TMPRSS11E: variants seen among roughly 807,000 people sequenced by gnomAD.
TMPRSS11E encodes the protein transmembrane protease serine 11E.
A neutral mutation model predicts 48.1 loss-of-function variants in TMPRSS11E; 38 were observed. That is an observed-to-expected ratio of 0.79 (90% CI 0.61 to 1.04). TMPRSS11E has a LOEUF of 1.04. Ranked by LOEUF, TMPRSS11E falls within the 50% of genes least tolerant of loss-of-function variation. TMPRSS11E has a pLI of 0.00. For synonymous variants in TMPRSS11E, 158 were observed against 171.9 expected (o/e 0.92, Z 0.63); for missense variants, 530 against 510.8 (o/e 1.04, Z -0.36).
At position 68,471,584 on chromosome 4, in the gene TMPRSS11E, G is replaced by A. The variant is rs1314475125; in HGVS notation, c.451G>A (p.Gly151Arg). The part of the protein sequence containing the change: ...VLHEKLQDAV[G>R]PPKVDPHSVK... ...ACATGAAAAGCTGCAAGATGCTGTA[G>A]GACCCCCTAAAGTAGATCCTCACTC... is the stretch of plus-strand genomic sequence containing the variant. Residue 151 changes from glycine to arginine, a missense_variant, in exon 5 of 10, where the codon GGA becomes AGA. Coordinates refer to ENST00000305363, the MANE Select transcript of TMPRSS11E (RefSeq NM_014058.4). 6 of 1,609,488 alleles carry A rather than the reference G, an allele frequency of 3.7e-6. No homozygotes were observed. Among genetic ancestry groups the A allele is most frequent in the Non-Finnish European group, 5.1e-6 (6 of 1,177,894 alleles).
chr4:68,481,892 C>T (rs1456228041), intron 9 of TMPRSS11E, among the ~76,000 whole-genome samples: 1 of 152,112 alleles, frequency 6.6e-6, no homozygotes, highest in African/African-American at 2.4e-5. Context: ...CGAGGCTGCA[C>T]TGCACCCACT....
In TMPRSS11E at chr4:68,462,031, A is replaced by G. The variant is rs147927119; in HGVS notation, c.136+86A>G. ...GTTTTGATTTGCCTCAGGCTTATTC[A>G]TTTATCACTACGATTCATTTGCATA... is the stretch of plus-strand genomic sequence containing the variant. On this transcript the variant is annotated intron_variant, in intron 2 of 9. Transcript: ENST00000305363. The G allele has an allele frequency of 6.1e-5, 93 of 1,525,454 alleles. 1 individual carries two copies. The Middle Eastern group carries it at 9.1e-4, about 15-fold the overall frequency. 94.5% of individuals were successfully genotyped at this position (1,525,454 alleles called of 1,614,324 possible). A position where few individuals can be genotyped will look rare whatever the true frequency, so the allele number is the denominator to read the frequency against.
intron 1 of TMPRSS11E, among the ~76,000 whole-genome samples, chr4:68,456,876 C>T (rs1198155801): frequency 2.0e-5 from 3 of 152,064 alleles, no homozygotes; most frequent in African/African-American, 7.2e-5. Flanking sequence ...GAAAGTGGAC[C>T]TCTTCCTTAC....
At chr4:68,484,723 T>C (rs2109711082) in intron 9 of TMPRSS11E, among the ~76,000 whole-genome samples, 1 of 152,334 alleles carries the variant, frequency 6.6e-6, no homozygotes, top group East Asian at 1.9e-4. Context: ...GTGAATGAGA[T>C]TGCACTCTTG....
intron 5 of TMPRSS11E, among the ~76,000 whole-genome samples, chr4:68,474,412 T>A (rs1729154156): frequency 6.6e-6 from 1 of 152,144 alleles, no homozygotes; most frequent in Non-Finnish European, 1.5e-5. Flanking sequence ...GCATCTTATT[T>A]ACTGGTATAA....
At chr4:68,476,476 A>G (rs1330690349) in intron 7 of TMPRSS11E, 38 bp downstream of exon 7, 1 of 1,557,656 alleles carries the variant, frequency 6.4e-7, no homozygotes, top group East Asian at 2.3e-5. Context: ...GGAGTGAACA[A>G]AGTGCACTGG....
At chr4:68,451,063 A>G (rs1359066864) in intron 1 of TMPRSS11E, among the ~76,000 whole-genome samples, 1 of 151,914 alleles carries the variant, frequency 6.6e-6, no homozygotes, top group Non-Finnish European at 1.5e-5. Context: ...GTGTTTCCGT[A>G]TTAGCACTGA....
chr4:68,480,335 C>T (rs1001976558), intron 9 of TMPRSS11E, among the ~76,000 whole-genome samples: 2 of 151,950 alleles, frequency 1.3e-5, no homozygotes, highest in African/African-American at 4.8e-5. Context: ...TCTAGTTTCT[C>T]TCTGTTTTTG....
At chr4:68,483,748 G>T (rs919985118) in intron 9 of TMPRSS11E, among the ~76,000 whole-genome samples, 1 of 152,140 alleles carries the variant, frequency 6.6e-6, no homozygotes, top group African/African-American at 2.4e-5. Context: ...TTTTCTTCTA[G>T]AGTTTTTATA....
At chr4:68,489,380 CTG>C (rs1244177382) in intron 9 of TMPRSS11E, among the ~76,000 whole-genome samples, 1 of 152,198 alleles carries the variant, frequency 6.6e-6, no homozygotes, top group Non-Finnish European at 1.5e-5. Flanking sequence ...GGCAACAAAA[CTG>C]TGCTGGCAAA....
In TMPRSS11E at chr4:68,486,663, G is replaced by C. The variant is rs1729563449; in HGVS notation, c.1110+7672G>C. Among the ~76,000 whole-genome samples the C allele has an allele frequency of 2.0e-5, 3 of 152,174 alleles. 1 individual carries two copies. The highest frequency in any genetic ancestry group is 2.0e-4 in the Admixed American group (3 of 15,272). On this transcript the variant is annotated intron_variant, in intron 9 of 9. Transcript: ENST00000305363. ...ATATCTCTTAGGTTCATTTGGTCAA[G>C]TGTTGAGTTTAGGTTCGGAATATCT...
At chr4:68,488,722 ATAGAGACGGGG>A (rs2109717325) in intron 9 of TMPRSS11E, among the ~76,000 whole-genome samples, 1 of 151,992 alleles carries the variant, frequency 6.6e-6, no homozygotes, top group Admixed American at 6.5e-5. Flanking sequence ...TGTATTTTTA[ATAGAGACGGGG>A]TTTCACCGTG....
chr4:68,472,787 G>A (rs1241568508), intron 5 of TMPRSS11E, among the ~76,000 whole-genome samples: 1 of 152,004 alleles, frequency 6.6e-6, no homozygotes, highest in Non-Finnish European at 1.5e-5. Context: ...CAAGAAAAAA[G>A]TGCTGTTAAA....
chr4:68,496,657 A>G lies in TMPRSS11E; in HGVS notation c.1125A>G (p.Gly375=). 1 of 1,612,212 alleles carries G rather than the reference A, an allele frequency of 6.2e-7. No individual in the cohort carries two copies. The highest frequency in any genetic ancestry group is 1.7e-4 in the Middle Eastern group (1 of 6,052). Residue 375 remains glycine (G), a synonymous_variant, in exon 10 of 10, where the codon GGA becomes GGG. Transcript: ENST00000305363. ...TTCTCCTTTAGGGTGACTCTGGAGG[A>G]CCACTGGTTAGTTCAGATGCTAGAG... is the stretch of plus-strand genomic sequence containing the variant. The part of the protein sequence containing the change: ...KTDACQGDSG[G]PLVSSDARDI...
chr4:68,447,586 A>G, intron 1 of TMPRSS11E, 63 bp downstream of exon 1: 1 of 1,363,792 alleles, frequency 7.3e-7, no homozygotes, highest in Non-Finnish European at 1.0e-6. Context: ...AAACAGTATG[A>G]GCCACACCAA....
chr4:68,494,609 C>T (rs1029798021), intron 9 of TMPRSS11E, among the ~76,000 whole-genome samples: 11 of 151,400 alleles, frequency 7.3e-5, no homozygotes, highest in African/African-American at 2.7e-4. Flanking sequence ...TCTCACTAAA[C>T]CATTCACTAA....
Position 68,471,461 on chromosome 4 carries a change from CA to C in TMPRSS11E, c.330del (p.Gln110HisfsTer12). The part of the protein sequence containing the change: ...FVKSQVIKFS[Q>X]QKHGVLAHML... ...ATTTTCTTCTTTTTTGGCCCACAGT[CA>C]ACAGAAGCATGGAGTGTTGGCTCAT... On this transcript the variant is annotated frameshift_variant and splice_region_variant, in exon 5 of 10. Transcript: ENST00000305363. LOFTEE classifies it high-confidence loss of function. The C allele has an allele frequency of 7.8e-7, 1 of 1,282,502 alleles. No homozygotes were observed. The highest frequency in any genetic ancestry group is 1.6e-5 in the African/African-American group (1 of 61,128). The allele number at this position is 1,282,502 out of a possible 1,614,324, so 79.4% of individuals were successfully genotyped here. A position where few individuals can be genotyped will look rare whatever the true frequency, so the allele number is the denominator to read the frequency against.
chr4:68,454,094 G>GA (rs1335084766), intron 1 of TMPRSS11E, among the ~76,000 whole-genome samples: 2 of 151,552 alleles, frequency 1.3e-5, no homozygotes, highest in South Asian at 2.1e-4. Flanking sequence ...TCTGTTATTA[G>GA]AAAAAAAAGA....
intron 4 of TMPRSS11E, among the ~76,000 whole-genome samples, chr4:68,470,886 G>A (rs1729045875): frequency 6.6e-6 from 1 of 151,922 alleles, no homozygotes; most frequent in Non-Finnish European, 1.5e-5. Flanking sequence ...AGGATAGCCT[G>A]AAGATTGTTT....
Sources: allele counts gnomAD v4.1 joint callset (sites outside exome capture counted in the v4.1 genomes callset), GRCh38; gene constraint gnomAD v4.1.1; transcripts MANE v1.5; gene names NCBI Gene and HGNC (gene_info 2026-07-23, HGNC 2026-07-21).